Variants in SMAD2 observed in about 807,000 individuals in gnomAD.
SMAD2 encodes MAD homolog 2.
SMAD2 carries 8 observed loss-of-function variants against 64.4 expected under a neutral mutation model. That is an observed-to-expected ratio of 0.12 (90% CI 0.07 to 0.22). SMAD2 has a LOEUF of 0.22. Among genes scored for constraint, SMAD2 ranks in the 10% least tolerant of loss-of-function variants. The probability of loss-of-function intolerance (pLI) is 1.00; values close to 1 mark genes in which losing one functional copy is unlikely to be tolerated. For synonymous variants in SMAD2, 203 were observed against 195.8 expected, an observed-to-expected ratio of 1.04 and a Z score of -0.31; for missense variants, 289 against 561.2, an observed-to-expected ratio of 0.51 and a Z score of 4.90.
At chr18:47,877,785 A>G (rs1406838874) in intron 2 of SMAD2, among the ~76,000 whole-genome samples, 2 of 152,184 alleles carry the variant, frequency 1.3e-5, no homozygotes, top group Admixed American at 1.3e-4. Context: ...ACAGATGCAA[A>G]AAACTGTATC....
chr18:47,911,696 T>G (rs2034142294), intron 1 of SMAD2, among the ~76,000 whole-genome samples: 1 of 152,162 alleles, frequency 6.6e-6, no homozygotes, highest in Admixed American at 6.5e-5. Context: ...GAGGTTTGCA[T>G]AGAATTAGGG....
chr18:47,833,641 G>A lies in SMAD2; in HGVS notation c.*8186C>T, dbSNP rs16958495. 1,240 of 230,962 alleles carry A rather than the reference G, an allele frequency of 5.4e-3. 12 individuals are homozygous for A. The highest frequency in any genetic ancestry group is 0.025 in the African/African-American group (1,119 of 45,270). 14.3% of individuals were successfully genotyped at this position (230,962 alleles called of 1,614,324 possible). A position where few individuals can be genotyped will look rare whatever the true frequency, so the allele number is the denominator to read the frequency against. ...TAGCTGGTAAGCACCTTATGAGTAT[G>A]AGGCTACAATTGAGAGAAACTGCTC... On this transcript the variant is annotated 3_prime_UTR_variant, in exon 11 of 11. Coordinates refer to ENST00000262160, the MANE Select transcript of SMAD2 (RefSeq NM_005901.6).
chr18:47,888,150 A>G (rs2033006246), intron 2 of SMAD2, among the ~76,000 whole-genome samples: 1 of 152,150 alleles, frequency 6.6e-6, no homozygotes, highest in Non-Finnish European at 1.5e-5. Flanking sequence ...CAGGTAAAAT[A>G]TAAGCAGGTC....
At chr18:47,903,842 T>C (rs1466482279) in intron 1 of SMAD2, among the ~76,000 whole-genome samples, 3 of 108,254 alleles carry the variant, frequency 2.8e-5, no homozygotes, top group African/African-American at 1.1e-4. Flanking sequence ...AATTAAAGTA[T>C]GCAAATTGAA....
At position 47,814,879 on chromosome 18, in the gene SMAD2, T is replaced by C. The variant is rs1256769373; in HGVS notation, c.*26948A>G. The stretch of plus-strand genomic sequence containing the variant: ...GATTAACAGTCCCATAGTTGGGACA[T>C]GGAAGCTATTAAGGTAGAGACCTTG... On this transcript the variant is annotated 3_prime_UTR_variant, in exon 11 of 11. Coordinates refer to ENST00000262160, the MANE Select transcript of SMAD2 (RefSeq NM_005901.6). 6.6e-6 allele frequency: 1 copy of C among 152,266 alleles called. No homozygotes were observed. The highest frequency in any genetic ancestry group is 2.4e-5 in the African/African-American group (1 of 41,424). The allele number at this position is 152,266 out of a possible 1,614,324, so 9.4% of individuals were successfully genotyped here.
At chr18:47,847,957 C>A (rs749719920) in intron 8 of SMAD2, among the ~76,000 whole-genome samples, 3 of 152,058 alleles carry the variant, frequency 2.0e-5, no homozygotes, top group Admixed American at 6.6e-5. Context: ...AGTCCCCAGA[C>A]CACATTTTGA....
At chr18:47,904,162 C>T (rs917633192) in intron 1 of SMAD2, among the ~76,000 whole-genome samples, 1 of 151,074 alleles carries the variant, frequency 6.6e-6, no homozygotes, top group African/African-American at 2.4e-5. Context: ...CATTCACAAG[C>T]TCTTTTCCAA....
chr18:47,917,713 T>C (rs945263532), intron 1 of SMAD2, among the ~76,000 whole-genome samples: 18 of 152,294 alleles, frequency 1.2e-4, no homozygotes, highest in Admixed American at 6.5e-4. Context: ...AAACAGCCTA[T>C]TGAAAACCAT....
chr18:47,880,548 G>A (rs1036757228), intron 2 of SMAD2, among the ~76,000 whole-genome samples: 1 of 152,186 alleles, frequency 6.6e-6, no homozygotes, highest in Non-Finnish European at 1.5e-5. Flanking sequence ...GGTAATTTAA[G>A]TACTCTAACT....
chr18:47,872,541 G>A (rs916536249), intron 2 of SMAD2, among the ~76,000 whole-genome samples: 1 of 152,088 alleles, frequency 6.6e-6, no homozygotes, highest in African/African-American at 2.4e-5. Flanking sequence ...GAGTCTCAGA[G>A]GCCACAGACT....
chr18:47,811,468 T>G lies in SMAD2; in HGVS notation c.*30359A>C, dbSNP rs1358704796. The stretch of plus-strand genomic sequence containing the variant: ...CTGGGCGACAGAGCGAGACCTCGTC[T>G]CAAAAAAAAAAAAAAAAAAAAGAAA... On this transcript the variant is annotated 3_prime_UTR_variant, in exon 11 of 11. Transcript: ENST00000262160. 6.4e-5 allele frequency: 3 copies of G among 47,222 alleles called. No homozygotes were observed. Among genetic ancestry groups the G allele is most frequent in the African/African-American group, 2.1e-4 (3 of 14,092 alleles). 2.9% of individuals were successfully genotyped at this position (47,222 alleles called of 1,614,324 possible). A position where few individuals can be genotyped will look rare whatever the true frequency, so the allele number is the denominator to read the frequency against.
rs186363966 is a variant in SMAD2, at chr18:47,843,264, C to A, written c.1281-1314G>T. Among the ~76,000 whole-genome samples, 15 of 152,300 alleles carry A rather than the reference C, an allele frequency of 9.8e-5. 1 individual carries two copies. The highest frequency in any genetic ancestry group is 2.0e-4 in the Admixed American group (3 of 15,300). ...CATTTACATGCCCAGCACTTCTGTT[C>A]CCCTGGGTAGGATAATTCTGTAGAC... On this transcript the variant is annotated intron_variant, in intron 10 of 10. Transcript: ENST00000262160.
Position 47,892,240 on chromosome 18 carries a change from C to G in SMAD2, c.236+4281G>C, listed in dbSNP as rs189888954. Among the ~76,000 whole-genome samples, 99 of 150,862 alleles carry G rather than the reference C, an allele frequency of 6.6e-4. 1 individual carries two copies. The highest frequency in any genetic ancestry group is 9.6e-4 in the Non-Finnish European group (65 of 67,854). ...TTTTGAGACGGAATTTTGCTCATCGCCCAAGCTGCAGTGCAGTGGCTCAAT... is the reference window on the plus strand; with the variant it reads ...TTTTGAGACGGAATTTTGCTCATCGGCCAAGCTGCAGTGCAGTGGCTCAAT... On this transcript the variant is annotated intron_variant, in intron 2 of 10. Transcript: ENST00000262160.
Position 47,836,591 on chromosome 18 carries a change from A to T in SMAD2, c.*5236T>A. The stretch of plus-strand genomic sequence containing the variant: ...AACTGTTAGAATGACCCCAACTGTT[A>T]AGTTTGTCTATGAGTGTATATGTAT... On this transcript the variant is annotated 3_prime_UTR_variant, in exon 11 of 11. Transcript: ENST00000262160. The T allele has an allele frequency of 4.6e-6, 1 of 215,230 alleles. No individual in the cohort carries two copies. Among genetic ancestry groups the T allele is most frequent in the Non-Finnish European group, 9.4e-6 (1 of 106,692 alleles). 13.3% of individuals were successfully genotyped at this position (215,230 alleles called of 1,614,324 possible). A position where few individuals can be genotyped will look rare whatever the true frequency, so the allele number is the denominator to read the frequency against.
chr18:47,836,640 A>C lies in SMAD2; in HGVS notation c.*5187T>G, dbSNP rs550999764. 22 of 212,462 alleles carry C rather than the reference A, an allele frequency of 1.0e-4. No homozygotes were observed. The highest frequency in any genetic ancestry group is 4.7e-4 in the African/African-American group (20 of 42,128). 13.2% of individuals were successfully genotyped at this position (212,462 alleles called of 1,614,324 possible). A position where few individuals can be genotyped will look rare whatever the true frequency, so the allele number is the denominator to read the frequency against. ...ATATATAAATTCATACACATATATT[A>C]TTTATTTCCTTCTTAAAAAGACTGA... On this transcript the variant is annotated 3_prime_UTR_variant, in exon 11 of 11. Transcript: ENST00000262160.
At chr18:47,915,798 C>T (rs576416651) in intron 1 of SMAD2, among the ~76,000 whole-genome samples, 2 of 152,314 alleles carry the variant, frequency 1.3e-5, no homozygotes, top group South Asian at 2.1e-4. Flanking sequence ...GTCTCCCTTA[C>T]GTTCCTTTTC....
Position 47,868,740 on chromosome 18 carries a change from G to C in SMAD2, c.521-283C>G, listed in dbSNP as rs1787176. On this transcript the variant is annotated intron_variant, in intron 4 of 10. Transcript: ENST00000262160. Reference sequence around the variant, plus strand: ...CATAAAAGTTCATAAATCCCCATTGGAAAACTTAACATTGTCTTTATCTGT... The same window carrying C: ...CATAAAAGTTCATAAATCCCCATTGCAAAACTTAACATTGTCTTTATCTGT... 0.55 allele frequency among the ~76,000 whole-genome samples: 83,958 copies of C among 151,856 alleles called. 23,633 individuals carry two copies. The highest frequency in any genetic ancestry group is 0.81 in the East Asian group (4,211 of 5,172).
chr18:47,851,049 A>G (rs2144318151), intron 7 of SMAD2, among the ~76,000 whole-genome samples: 1 of 150,212 alleles, frequency 6.7e-6, no homozygotes. Context: ...TAATAAATAG[A>G]TTATACCTAT....
Position 47,829,854 on chromosome 18 carries a change from A to G in SMAD2, c.*11973T>C, listed in dbSNP as rs1244074988. 1 of 152,256 alleles carries G rather than the reference A, an allele frequency of 6.6e-6. No individual in the cohort carries two copies. The highest frequency in any genetic ancestry group is 1.5e-5 in the Non-Finnish European group (1 of 68,042). The allele number at this position is 152,256 out of a possible 1,614,324, so 9.4% of individuals were successfully genotyped here. A position where few individuals can be genotyped will look rare whatever the true frequency, so the allele number is the denominator to read the frequency against. ...GAATTCCGAAATGATAAAGAACAGGAAAATAATGACTAAGCTAACAACCAA... is the reference window on the plus strand; with the variant it reads ...GAATTCCGAAATGATAAAGAACAGGGAAATAATGACTAAGCTAACAACCAA... On this transcript the variant is annotated 3_prime_UTR_variant, in exon 11 of 11. Transcript: ENST00000262160.
Sources: allele counts gnomAD v4.1 joint callset (sites outside exome capture counted in the v4.1 genomes callset), GRCh38; gene constraint gnomAD v4.1.1; transcripts MANE v1.5; gene names NCBI Gene and HGNC (gene_info 2026-07-23, HGNC 2026-07-21).